The following RTL4 variants were observed in gnomAD, a reference collection of about 807,000 sequenced individuals.
RTL4 encodes retrotransposon Gag-like protein 4.
A neutral mutation model predicts 5.3 loss-of-function variants in RTL4; 4 were observed. That is an observed-to-expected ratio of 0.75 (90% confidence interval 0.37 to 1.72). RTL4 has a LOEUF of 1.72. Among genes scored for constraint, RTL4 ranks in the 40% most tolerant of loss-of-function variants. RTL4 has a pLI of 0.04. For synonymous variants in RTL4, 98 were observed against 87.3 expected, an observed-to-expected ratio of 1.12 and a Z score of -0.68; for missense variants, 260 against 227.1, an observed-to-expected ratio of 1.14 and a Z score of -0.93.
chrX:112,326,087 C>G, the RTL4 span, among the ~76,000 whole-genome samples: 9 of 111,990 alleles, frequency 8.0e-5, no homozygotes, highest in Admixed American at 5.7e-4. Context: ...CAAATCAAAA[C>G]CACAATGAGA....
the RTL4 span, among the ~76,000 whole-genome samples, chrX:112,302,208 T>G: frequency 1.1e-5 from 1 of 88,467 alleles, no homozygotes; most frequent in African/African-American, 4.6e-5. Context: ...TTGCAGTGAG[T>G]GGAGATCACG....
chrX:112,263,118 G>A, the RTL4 span, among the ~76,000 whole-genome samples: 19,381 of 100,918 alleles, frequency 0.19, 2,043 homozygotes, highest in African/African-American at 0.32. Context: ...ACGAGTTAAT[G>A]GGTGCAACAC....
At chrX:112,159,119 T>G in the RTL4 span, among the ~76,000 whole-genome samples, 4 of 112,644 alleles carry the variant, frequency 3.6e-5, no homozygotes, top group Admixed American at 2.8e-4. Flanking sequence ...GTATTTCTTT[T>G]TCTATGAATT....
At chrX:112,309,537 G>A in the RTL4 span, among the ~76,000 whole-genome samples, 2 of 109,136 alleles carry the variant, frequency 1.8e-5, no homozygotes, top group Admixed American at 2.0e-4. Flanking sequence ...TTACCAGGCT[G>A]GAGTGCAGTG....
At chrX:112,435,511 G>A in the RTL4 span, among the ~76,000 whole-genome samples, 32 of 111,911 alleles carry the variant, frequency 2.9e-4, 1 homozygote, top group Admixed American at 9.5e-4. Context: ...AATACATTTC[G>A]TAAAGGCAAT....
the RTL4 span, among the ~76,000 whole-genome samples, chrX:112,394,080 C>A: frequency 1.5e-3 from 169 of 111,252 alleles, no homozygotes; most frequent in Non-Finnish European, 2.6e-3. Flanking sequence ...TTGCAAAGAT[C>A]GATGGGTGAA....
chrX:112,431,867 C>G, the RTL4 span, among the ~76,000 whole-genome samples: 3 of 92,806 alleles, frequency 3.2e-5, no homozygotes, highest in Non-Finnish European at 6.6e-5. Flanking sequence ...TCTCCTAATG[C>G]TATCCCTCCC....
the RTL4 span, among the ~76,000 whole-genome samples, chrX:112,228,259 C>T: frequency 2.7e-5 from 3 of 110,757 alleles, no homozygotes; most frequent in South Asian, 7.7e-4. Context: ...TTGAGGAGAG[C>T]GGTAGCTGAT....
At chrX:112,301,469 C>T in the RTL4 span, among the ~76,000 whole-genome samples, 1 of 110,518 alleles carries the variant, frequency 9.0e-6, no homozygotes, top group Non-Finnish European at 1.9e-5. Context: ...ATAAAGAAAA[C>T]ATATGTCATA....
chrX:112,240,343 C>G, the RTL4 span, among the ~76,000 whole-genome samples: 1 of 111,475 alleles, frequency 9.0e-6, no homozygotes, highest in African/African-American at 3.3e-5. Context: ...AACAAAAGAT[C>G]TAACATTTGT....
At chrX:112,373,908 G>T in the RTL4 span, among the ~76,000 whole-genome samples, 1 of 110,329 alleles carries the variant, frequency 9.1e-6, no homozygotes, top group Admixed American at 9.7e-5. Context: ...TCTTTTCTTT[G>T]TTCTTTGCTC....
At chrX:112,100,512 C>A in the RTL4 span, among the ~76,000 whole-genome samples, 1 of 111,760 alleles carries the variant, frequency 8.9e-6, no homozygotes, top group East Asian at 2.8e-4. Context: ...ACATTGGCAG[C>A]ATTATAATCC....
chrX:112,222,897 A>G, the RTL4 span, among the ~76,000 whole-genome samples: 1 of 112,559 alleles, frequency 8.9e-6, no homozygotes, highest in Admixed American at 9.4e-5. Context: ...GGGAAGGGAA[A>G]TCATTACCAA....
the RTL4 span, among the ~76,000 whole-genome samples, chrX:112,153,398 A>G: frequency 8.9e-6 from 1 of 112,368 alleles, no homozygotes; most frequent in Non-Finnish European, 1.9e-5. Flanking sequence ...AGAGTGATCA[A>G]TTAAGAAATA....
the RTL4 span, among the ~76,000 whole-genome samples, chrX:112,151,948 G>C: frequency 3.6e-5 from 4 of 112,114 alleles, no homozygotes; most frequent in Non-Finnish European, 7.5e-5. Context: ...TGTGCTTATT[G>C]AGAGTCTGAT....
At chrX:112,086,833 C>T in the RTL4 span, among the ~76,000 whole-genome samples, 2 of 111,638 alleles carry the variant, frequency 1.8e-5, no homozygotes, top group African/African-American at 6.5e-5. Context: ...TGAATTGGGA[C>T]GACGAATGAC....
At chrX:112,163,685 C>A in the RTL4 span, among the ~76,000 whole-genome samples, 357 of 112,393 alleles carry the variant, frequency 3.2e-3, 1 homozygote, top group Non-Finnish European at 5.4e-3. Flanking sequence ...AGCAGAGACA[C>A]ATAACCTCTC....
the RTL4 span, among the ~76,000 whole-genome samples, chrX:112,418,581 A>T: frequency 6.3e-5 from 7 of 111,245 alleles, no homozygotes; most frequent in African/African-American, 2.3e-4. Flanking sequence ...AAGAGACCTA[A>T]CAAAACTTAG....
At chrX:112,314,237 C>A in the RTL4 span, among the ~76,000 whole-genome samples, 1 of 111,591 alleles carries the variant, frequency 9.0e-6, no homozygotes, top group Non-Finnish European at 1.9e-5. Context: ...TTCAGCACAT[C>A]CCACCGGGGT....
Sources: gnomAD v4.1 joint callset for allele counts (sites outside exome capture counted in the v4.1 genomes callset) on GRCh38, gnomAD v4.1.1 for gene constraint, MANE v1.5 for transcripts, NCBI Gene and HGNC (gene_info 2026-07-23, HGNC 2026-07-21) for gene names.